SKOR2: variants seen among roughly 807,000 people sequenced by gnomAD.
The protein encoded by SKOR2 is LBX1 corepressor 1-like protein.
Under a neutral mutation model 69.1 loss-of-function variants are expected in SKOR2, and 47 were observed. The observed-to-expected ratio is 0.68, with a 90% CI of 0.54 to 0.87. SKOR2 has a LOEUF of 0.87. SKOR2 is among the 40% of genes least tolerant of loss of function. The probability of loss-of-function intolerance (pLI) is 0.00; values close to 1 mark genes in which losing one functional copy is unlikely to be tolerated. For synonymous variants in SKOR2, 717 were observed against 672.6 expected, an observed-to-expected ratio of 1.07 and a Z score of -1.02; for missense variants, 1,404 against 1,472.2, an observed-to-expected ratio of 0.95 and a Z score of 0.76.
rs1234749738 is a variant in SKOR2 at position 47,247,748 on chromosome 18, A to T, written c.1436T>A (p.Leu479His). ...GGGCTGCAGGTAGGTGGGCACCGGG[A>T]GCCCGCCAGGGGTCCGCGGCGGCCA... The part of the protein sequence containing the change: ...MFWPPRTPGG[L>H]PVPTYLQPPP... Residue 479 changes from leucine (L) to histidine (H), a missense_variant, in exon 2 of 9, where the codon CTC becomes CAC. Leu to His is a moderately conservative substitution (Grantham distance 99). Transcript: ENST00000425639. The surrounding 1 kb of genome is among the most constrained non-coding windows in gnomAD (Gnocchi z 6.6). 5.8e-6 allele frequency: 8 copies of T among 1,370,302 alleles called. No homozygotes were observed. The highest frequency in any genetic ancestry group is 6.5e-6 in the Non-Finnish European group (7 of 1,072,880). 84.9% of individuals were successfully genotyped at this position (1,370,302 alleles called of 1,614,324 possible). A position where few individuals can be genotyped will look rare whatever the true frequency, so the allele number is the denominator to read the frequency against.
In SKOR2 at chr18:47,247,711, C is replaced by A. The variant is rs1331116482; in HGVS notation, c.1473G>T (p.Pro491=). The part of the protein sequence containing the change: ...VPTYLQPPPQ[P]PSALGCALGE... ...CTAGCGCGCAGCCTAGCGCCGAGGGCGGCTGAGGCGGGGGCTGCAGGTAGG... is the reference window on the plus strand; with the variant it reads ...CTAGCGCGCAGCCTAGCGCCGAGGGAGGCTGAGGCGGGGGCTGCAGGTAGG... Residue 491 remains proline (P), a synonymous_variant, in exon 2 of 9, where the codon CCG becomes CCT. Transcript: ENST00000425639. This position sits in a 1 kb window ranked among gnomAD's most constrained non-coding sequence, Gnocchi z 6.6. 3 of 1,360,092 alleles carry A rather than the reference C, an allele frequency of 2.2e-6. No homozygotes were observed. Among genetic ancestry groups the A allele is most frequent in the Non-Finnish European group, 2.8e-6 (3 of 1,066,116 alleles). The allele number at this position is 1,360,092 out of a possible 1,614,324, so 84.3% of individuals were successfully genotyped here. A position where few individuals can be genotyped will look rare whatever the true frequency, so the allele number is the denominator to read the frequency against.
chr18:47,217,714 C>G (rs2064148338), intron 7 of SKOR2, among the ~76,000 whole-genome samples: 1 of 151,970 alleles, frequency 6.6e-6, no homozygotes, highest in African/African-American at 2.4e-5. Flanking sequence ...CCTTGGGCAT[C>G]TAATGGTAGG....
intron 8 of SKOR2, among the ~76,000 whole-genome samples, chr18:47,209,917 C>A (rs2064122862): frequency 6.6e-6 from 1 of 152,056 alleles, no homozygotes; most frequent in African/African-American, 2.4e-5. Flanking sequence ...TATAGGGAGA[C>A]CTTGTCTTTA....
intron 7 of SKOR2, among the ~76,000 whole-genome samples, chr18:47,213,358 G>A (rs919546851): frequency 5.4e-5 from 8 of 146,908 alleles, no homozygotes; most frequent in Non-Finnish European, 9.0e-5. Context: ...ATTAGGCAAT[G>A]ATATATATAT....
In SKOR2 at chr18:47,245,511, G is replaced by A; in HGVS notation, c.2664C>T (p.Asp888=). 2.7e-6 allele frequency: 2 copies of A among 752,894 alleles called. No individual in the cohort carries two copies. The highest frequency in any genetic ancestry group is 4.1e-5 in the South Asian group (2 of 48,494). 46.6% of individuals were successfully genotyped at this position (752,894 alleles called of 1,614,324 possible). The change falls in exon 3 of 9, where the codon GAC becomes GAT. Residue 888 remains aspartate (D), a synonymous_variant. Coordinates refer to ENST00000425639, the MANE Select transcript of SKOR2 (RefSeq NM_001278063.4). Reference sequence around the variant, plus strand: ...TTTTTTTTTTACCTGAAAAGCTGTTGTCATCCTTTGTAGATACAATTACTT... The same window carrying A: ...TTTTTTTTTTACCTGAAAAGCTGTTATCATCCTTTGTAGATACAATTACTT... ...NNQVIVSTKD[D]NSFSDKNKEH...
intron 4 of SKOR2, 160 bp from the exon 5 acceptor site, chr18:47,231,160 T>C: frequency 2.6e-6 from 4 of 1,535,984 alleles, no homozygotes; most frequent in Non-Finnish European, 2.6e-6. Flanking sequence ...TCGCATATAA[T>C]CCTCCTGAAA....
At chr18:47,210,943 G>A (rs553499755) in intron 8 of SKOR2, among the ~76,000 whole-genome samples, 2 of 152,130 alleles carry the variant, frequency 1.3e-5, no homozygotes, top group Non-Finnish European at 2.9e-5. Flanking sequence ...AGTTCCCCAT[G>A]TGTAAAATTA....
rs35717325 is a variant in SKOR2, at chr18:47,246,697, G to A, written c.2487C>T (p.Pro829=). ...GCGGGGGCGGGGGCAGGTCCGAGCCGGGGTCCCCGAGTTTCCCGTCTTCCT... is the reference window on the plus strand; with the variant it reads ...GCGGGGGCGGGGGCAGGTCCGAGCCAGGGTCCCCGAGTTTCCCGTCTTCCT... ...LLQEDGKLGD[P]GSDLPPPPPP... is the part of the protein sequence containing the mutation. The change falls in exon 2 of 9, where the codon CCC becomes CCT. Residue 829 remains proline (P), a synonymous_variant. Coordinates refer to ENST00000425639, the MANE Select transcript of SKOR2 (RefSeq NM_001278063.4). 18,847 of 1,464,954 alleles carry A rather than the reference G, an allele frequency of 0.013. 131 individuals carry two copies. Among genetic ancestry groups the A allele is most frequent in the Middle Eastern group, 0.027 (117 of 4,348 alleles). The allele number at this position is 1,464,954 out of a possible 1,614,324, so 90.7% of individuals were successfully genotyped here.
In SKOR2 at chr18:47,247,480, G is replaced by A; in HGVS notation, c.1704C>T (p.Asp568=). 8.2e-7 allele frequency: 1 copy of A among 1,213,152 alleles called. No homozygotes were observed. Among genetic ancestry groups the A allele is most frequent in the Non-Finnish European group, 1.0e-6 (1 of 977,042 alleles). The allele number at this position is 1,213,152 out of a possible 1,614,324, so 75.1% of individuals were successfully genotyped here. The change falls in exon 2 of 9, where the codon GAC becomes GAT. Residue 568 remains aspartate, a synonymous_variant. Coordinates refer to ENST00000425639, the MANE Select transcript of SKOR2 (RefSeq NM_001278063.4). This position sits in a 1 kb window ranked among gnomAD's most constrained non-coding sequence, Gnocchi z 6.6. ...CGGGCGGCGTGGAGCCCGCGCTGCAGTCCCCGCCGCTGCCGCCCGGGGGCG... is the reference window on the plus strand; with the variant it reads ...CGGGCGGCGTGGAGCCCGCGCTGCAATCCCCGCCGCTGCCGCCCGGGGGCG... ...FESPPGGSGG[D]CSAGSTPPAD... is the part of the protein sequence containing the mutation.
intron 8 of SKOR2, among the ~76,000 whole-genome samples, chr18:47,210,289 G>A (rs920193554): frequency 3.7e-4 from 57 of 152,124 alleles, no homozygotes; most frequent in African/African-American, 1.3e-3. Flanking sequence ...TGAGCTCATC[G>A]TGAACATTTA....
intron 6 of SKOR2, among the ~76,000 whole-genome samples, chr18:47,222,230 G>A (rs1233615829): frequency 2.6e-5 from 4 of 151,798 alleles, no homozygotes; most frequent in Admixed American, 2.6e-4. Context: ...GCTGAGGTAG[G>A]AGAATCACCT....
chr18:47,217,562 T>C (rs1446254562), intron 7 of SKOR2, among the ~76,000 whole-genome samples: 1 of 152,074 alleles, frequency 6.6e-6, no homozygotes, highest in Admixed American at 6.6e-5. Context: ...CCAGGGAAAT[T>C]TGGAAAAGAA....
chr18:47,237,920 C>T (rs2064231794), intron 4 of SKOR2, among the ~76,000 whole-genome samples: 1 of 152,110 alleles, frequency 6.6e-6, no homozygotes, highest in Non-Finnish European at 1.5e-5. Context: ...TCAGGGAATC[C>T]TCCTGTTTCA....
At chr18:47,235,640 C>G (rs549727226) in intron 4 of SKOR2, among the ~76,000 whole-genome samples, 1 of 152,054 alleles carries the variant, frequency 6.6e-6, no homozygotes, top group Admixed American at 6.5e-5. Context: ...ATATTCCAAC[C>G]CACTCTTGGT....
intron 4 of SKOR2, among the ~76,000 whole-genome samples, chr18:47,237,220 T>C (rs748971943): frequency 6.6e-6 from 1 of 152,258 alleles, no homozygotes; most frequent in Non-Finnish European, 1.5e-5. Flanking sequence ...AGGCTAATTA[T>C]ATATTCAGTT....
At position 47,246,702 on chromosome 18, in the gene SKOR2, C is replaced by G. The variant is rs1369715370; in HGVS notation, c.2482G>C (p.Asp828His). 1 of 1,455,230 alleles carries G rather than the reference C, an allele frequency of 6.9e-7. No homozygotes were observed. The highest frequency in any genetic ancestry group is 2.8e-5 in the East Asian group (1 of 36,038). 90.1% of individuals were successfully genotyped at this position (1,455,230 alleles called of 1,614,324 possible). A position where few individuals can be genotyped will look rare whatever the true frequency, so the allele number is the denominator to read the frequency against. Residue 828 changes from aspartate to histidine, a missense_variant, in exon 2 of 9, where the codon GAC becomes CAC. Around this residue, in one of 3 missense-constraint regions of SKOR2, gnomAD observed 1,266 missense variants for 1,309.9 expected, o/e 0.97. Transcript: ENST00000425639. ...GGCGGGGGCAGGTCCGAGCCGGGGTCCCCGAGTTTCCCGTCTTCCTGCAGC... is the reference window on the plus strand; with the variant it reads ...GGCGGGGGCAGGTCCGAGCCGGGGTGCCCGAGTTTCCCGTCTTCCTGCAGC... ...RLLQEDGKLG[D>H]PGSDLPPPPP...
At chr18:47,211,462 T>C (rs896813956) in intron 8 of SKOR2, among the ~76,000 whole-genome samples, 10 of 152,354 alleles carry the variant, frequency 6.6e-5, no homozygotes, top group Middle Eastern at 3.4e-3. Context: ...TACTTCGGTA[T>C]GTTCTGAATA....
At chr18:47,243,544 T>C (rs1466709522) in intron 4 of SKOR2, among the ~76,000 whole-genome samples, 1 of 152,192 alleles carries the variant, frequency 6.6e-6, no homozygotes. Context: ...TGCAAATCCA[T>C]TAGAAATTCC....
intron 4 of SKOR2, among the ~76,000 whole-genome samples, chr18:47,237,807 C>CCACTT (rs1399716729): frequency 6.6e-6 from 1 of 151,808 alleles, no homozygotes; most frequent in African/African-American, 2.4e-5. Flanking sequence ...TGCGATCCTC[C>CCACTT]CACTTCAGCC....
Sources: allele counts gnomAD v4.1 joint callset (sites outside exome capture counted in the v4.1 genomes callset), GRCh38; gene constraint gnomAD v4.1.1; regional missense constraint gnomAD v4.1.1; non-coding constraint Gnocchi (gnomAD v3.1); transcripts MANE v1.5; gene names NCBI Gene and HGNC (gene_info 2026-07-23, HGNC 2026-07-21).